The following EBF4 variants were observed in gnomAD, a reference collection of about 807,000 sequenced individuals.
EBF4 encodes transcription factor COE4.
A neutral mutation model predicts 67.1 loss-of-function variants in EBF4; 34 were observed. That is an observed-to-expected ratio of 0.51 (90% CI 0.39 to 0.67). The LOEUF (loss-of-function observed/expected upper bound fraction) is 0.67. Ranked by LOEUF, EBF4 falls within the 30% of genes least tolerant of loss-of-function variation. EBF4 has a pLI of 0.00. For missense variants in EBF4, 837 were observed against 873.3 expected (o/e 0.96, Z 0.52); for synonymous variants, 387 against 377.7 (o/e 1.02, Z -0.29).
In EBF4 at chr20:2,739,248, C is replaced by G. The variant is rs2087934177; in HGVS notation, c.558-9301C>G. ...AGTCCCGCATGATTTGGTCCCAACC[C>G]CAGGCCCCAAGCCACGCTGCCCTCC... On this transcript the variant is annotated intron_variant, in intron 6 of 16. Coordinates refer to ENST00000609451, the Ensembl canonical transcript of EBF4. This position sits in a 1 kb window ranked among gnomAD's most constrained non-coding sequence, Gnocchi z 4.5. 6.6e-6 allele frequency among the ~76,000 whole-genome samples: 1 copy of G among 152,100 alleles called. No homozygotes were observed. Among genetic ancestry groups the G allele is most frequent in the African/African-American group, 2.4e-5 (1 of 41,410 alleles).
At chr20:2,725,371 C>T (rs796465056) in intron 6 of EBF4, among the ~76,000 whole-genome samples, 10 of 151,996 alleles carry the variant, frequency 6.6e-5, no homozygotes, top group African/African-American at 2.2e-4. Flanking sequence ...TTCAATGATT[C>T]TATTTTTTAT....
rs182654942 is a variant in EBF4 at position 2,741,191 on chromosome 20, A to G, written c.558-7358A>G. 1.4e-3 allele frequency among the ~76,000 whole-genome samples: 207 copies of G among 152,240 alleles called. 2 individuals are homozygous for G. The highest frequency in any genetic ancestry group is 4.6e-3 in the African/African-American group (192 of 41,538). On this transcript the variant is annotated intron_variant, in intron 6 of 16. Coordinates refer to ENST00000609451, the Ensembl canonical transcript of EBF4. ...AGCTGAGCATGGTAGTGTGACCTGT[A>G]GTCCCACCTGCTCAGGAGGCTGAGG...
Position 2,739,116 on chromosome 20 carries a change from C to T in EBF4, c.558-9433C>T, listed in dbSNP as rs1600232233. ...AACCCCACATGGGCCTGAACTATTA[C>T]AGTAAGCTCCTCATTTCCCTTCCCT... On this transcript the variant is annotated intron_variant, in intron 6 of 16. Transcript: ENST00000609451. This position sits in a 1 kb window ranked among gnomAD's most constrained non-coding sequence, Gnocchi z 4.5. 6.6e-6 allele frequency among the ~76,000 whole-genome samples: 1 copy of T among 152,178 alleles called. No homozygotes were observed. Among genetic ancestry groups the T allele is most frequent in the Admixed American group, 6.5e-5 (1 of 15,282 alleles).
At chr20:2,736,675 C>A (rs1322559127) in intron 6 of EBF4, among the ~76,000 whole-genome samples, 1 of 152,206 alleles carries the variant, frequency 6.6e-6, no homozygotes, top group Non-Finnish European at 1.5e-5. Flanking sequence ...CTCTTGCCAC[C>A]TGAATGCACT....
chr20:2,754,363 C>T (rs1163261663), intron 14 of EBF4, among the ~76,000 whole-genome samples: 1 of 152,142 alleles, frequency 6.6e-6, no homozygotes, highest in East Asian at 1.9e-4. Context: ...CACCAGCAAC[C>T]CTGGAATGAA....
intron 6 of EBF4, among the ~76,000 whole-genome samples, chr20:2,723,389 C>T (rs541567729): frequency 2.1e-4 from 32 of 152,056 alleles, no homozygotes; most frequent in Non-Finnish European, 3.5e-4. Flanking sequence ...CTCGCTCTGT[C>T]GCCCAGGCTG....
In EBF4 at chr20:2,751,960, C is replaced by A; in HGVS notation, c.1146C>A (p.Ala382=). The stretch of plus-strand genomic sequence containing the variant: ...AGCGGGCGGCCGACTTGGCAGAAGC[C>A]CTGTACGGAGTGCCCGGCAGTAACC... Residue 382 remains alanine, a synonymous_variant, in exon 12 of 17, where the codon GCC becomes GCA. Coordinates refer to ENST00000609451, the Ensembl canonical transcript of EBF4. This position sits in a 1 kb window ranked among gnomAD's most constrained non-coding sequence, Gnocchi z 5.2. 6.5e-7 allele frequency: 1 copy of A among 1,548,974 alleles called. No individual in the cohort carries two copies. Among genetic ancestry groups the A allele is most frequent in the Non-Finnish European group, 8.7e-7 (1 of 1,146,746 alleles).
rs2087245357 is a variant in EBF4 at position 2,693,687 on chromosome 20, C to G, written c.42C>G (p.Asn14Lys). 1.2e-5 allele frequency: 17 copies of G among 1,437,970 alleles called. No homozygotes were observed. Among genetic ancestry groups the G allele is most frequent in the Non-Finnish European group, 1.5e-5 (17 of 1,101,616 alleles). The allele number at this position is 1,437,970 out of a possible 1,614,324, so 89.1% of individuals were successfully genotyped here. ...ACGCTCTGCCCCGCAGCGGGCTGAA[C>G]CTGAAGGAGGAGCCGCTGCTGCCCG... is the stretch of plus-strand genomic sequence containing the variant. The change falls in exon 1 of 17, where the codon AAC (asparagine) becomes AAG (lysine). Residue 14 changes from asparagine to lysine, a missense_variant. Physicochemically the swap from Asn to Lys is moderately conservative, Grantham distance 94 (BLOSUM62 0). Around this residue, in one of 3 missense-constraint regions of EBF4, gnomAD observed 86 missense variants for 70.3 expected, o/e 1.22. Transcript: ENST00000609451. The surrounding 1 kb of genome is among the most constrained non-coding windows in gnomAD (Gnocchi z 4.6).
chr20:2,753,072 G>A (rs546435324), intron 14 of EBF4, among the ~76,000 whole-genome samples: 47 of 152,372 alleles, frequency 3.1e-4, no homozygotes, highest in African/African-American at 1.1e-3. Flanking sequence ...AGCGAGTTCT[G>A]TGTGATCAGA....
At chr20:2,703,541 T>C (rs1333800957) in intron 1 of EBF4, among the ~76,000 whole-genome samples, 1 of 152,078 alleles carries the variant, frequency 6.6e-6, no homozygotes, top group Non-Finnish European at 1.5e-5. Context: ...GGCATGCACC[T>C]GTAGTCACAC....
intron 6 of EBF4, among the ~76,000 whole-genome samples, chr20:2,744,780 C>T (rs1281029898): frequency 6.6e-6 from 1 of 152,156 alleles, no homozygotes; most frequent in Non-Finnish European, 1.5e-5. Context: ...GCACGAGCCA[C>T]TGAGCAAGGC....
chr20:2,705,784 A>ACC, intron 2 of EBF4, 51 bp downstream of exon 2: 4 of 898,162 alleles, frequency 4.5e-6, no homozygotes, highest in Non-Finnish European at 6.3e-6. Flanking sequence ...GGAACCCCCA[A>ACC]CCACACACAC....
Position 2,709,513 on chromosome 20 carries a change from A to G in EBF4, c.489-61A>G, listed in dbSNP as rs370025842. On this transcript the variant is annotated intron_variant, in intron 5 of 16. Transcript: ENST00000609451. ...TCAGGGCGCCCCCCACAACTCACAC[A>G]CTGTCGTGGCCCCCTCCTTCCTTGG... The G allele has an allele frequency of 1.5e-5, 22 of 1,469,402 alleles. No individual in the cohort carries two copies. The African/African-American group carries it at 1.8e-4, about 12-fold the overall frequency. 91.0% of individuals were successfully genotyped at this position (1,469,402 alleles called of 1,614,324 possible). A position where few individuals can be genotyped will look rare whatever the true frequency, so the allele number is the denominator to read the frequency against.
At chr20:2,720,612 C>G (rs2087667784) in intron 6 of EBF4, among the ~76,000 whole-genome samples, 2 of 152,176 alleles carry the variant, frequency 1.3e-5, no homozygotes, top group South Asian at 2.1e-4. Flanking sequence ...TATGCTATTA[C>G]TGTCGCAGAC....
chr20:2,722,565 AC>A (rs2087696364), intron 6 of EBF4, among the ~76,000 whole-genome samples: 1 of 152,122 alleles, frequency 6.6e-6, no homozygotes, highest in African/African-American at 2.4e-5. Flanking sequence ...GTCTCCCTGG[AC>A]CCTGAGCTCT....
rs576606255 is a variant in EBF4 at position 2,744,004 on chromosome 20, C to T, written c.558-4545C>T. ...ACCCACTTCTCTTCTCCCTGCCCCC[C>T]AACTCACCCTTCCCAGTCTTTATTA... On this transcript the variant is annotated intron_variant, in intron 6 of 16. Coordinates refer to ENST00000609451, the Ensembl canonical transcript of EBF4. Among the ~76,000 whole-genome samples the T allele has an allele frequency of 2.0e-5, 3 of 152,270 alleles. No individual in the cohort carries two copies. In the South Asian group the frequency reaches 6.2e-4, roughly 32 times the overall value.
chr20:2,693,789 G>A lies in EBF4; in HGVS notation c.137+7G>A. ...CCAGCACCGCGGCGCAGAGGTAAGC[G>A]CTCGGACCGGACCCGGTGCGCTCGG... On this transcript the variant is annotated splice_region_variant and intron_variant, in intron 1 of 16. Coordinates refer to ENST00000609451, the Ensembl canonical transcript of EBF4. This position sits in a 1 kb window ranked among gnomAD's most constrained non-coding sequence, Gnocchi z 4.6. 2 of 1,305,722 alleles carry A rather than the reference G, an allele frequency of 1.5e-6. No homozygotes were observed. The highest frequency in any genetic ancestry group is 9.7e-7 in the Non-Finnish European group (1 of 1,027,162). 80.9% of individuals were successfully genotyped at this position (1,305,722 alleles called of 1,614,324 possible). A position where few individuals can be genotyped will look rare whatever the true frequency, so the allele number is the denominator to read the frequency against.
At chr20:2,733,566 A>G (rs1050243197) in intron 6 of EBF4, among the ~76,000 whole-genome samples, 1 of 152,096 alleles carries the variant, frequency 6.6e-6, no homozygotes, top group African/African-American at 2.4e-5. Flanking sequence ...GGTATGCTTG[A>G]TGGCTCCCAC....
At chr20:2,734,044 A>G (rs557685228) in intron 6 of EBF4, among the ~76,000 whole-genome samples, 39 of 152,090 alleles carry the variant, frequency 2.6e-4, no homozygotes, top group Non-Finnish European at 4.4e-4. Flanking sequence ...CTTCATTCTC[A>G]TACTTTTCTT....
Sources: gnomAD v4.1 joint callset for allele counts (sites outside exome capture counted in the v4.1 genomes callset) on GRCh38, gnomAD v4.1.1 for gene constraint, gnomAD v4.1.1 regional missense constraint, Gnocchi (gnomAD v3.1) non-coding constraint, MANE v1.5 for transcripts, NCBI Gene and HGNC (gene_info 2026-07-23, HGNC 2026-07-21) for gene names.